The following EVC2 variants were observed in gnomAD, a reference collection of about 807,000 sequenced individuals.
EVC2 encodes the protein limbin.
In EVC2, 148 loss-of-function variants were observed where a neutral mutation model predicts 149.3. That is an observed-to-expected ratio of 0.99 (90% CI 0.87 to 1.14). EVC2 has a LOEUF of 1.14. EVC2 is among the 50% of genes most tolerant of loss of function. The pLI is 0.00. For synonymous variants in EVC2, 776 were observed against 649.9 expected (o/e 1.19, Z -2.95); for missense variants, 1,854 against 1,627.3 (o/e 1.14, Z -2.40).
At chr4:5,541,409 T>C (rs1478323410), downstream of EVC2, among the ~76,000 whole-genome samples, 1 of 152,158 alleles carries the variant, frequency 6.6e-6, no homozygotes, top group Non-Finnish European at 1.5e-5. Context: ...AGCAGTTATT[T>C]CAAAGAACGG....
At chr4:5,672,965 G>T (rs937530126) in intron 7 of EVC2, among the ~76,000 whole-genome samples, 4 of 152,208 alleles carry the variant, frequency 2.6e-5, no homozygotes, top group Non-Finnish European at 4.4e-5. Context: ...GACAGAAGCA[G>T]ATGAGTGGTT....
At chr4:5,612,980 C>CGAG (rs961202530) in intron 16 of EVC2, among the ~76,000 whole-genome samples, 17 of 145,502 alleles carry the variant, frequency 1.2e-4, no homozygotes, top group Admixed American at 1.1e-3. Flanking sequence ...CAGGAGGAGA[C>CGAG]GAGGTAGGGG....
chr4:5,642,897 C>G (rs905953702), intron 9 of EVC2, among the ~76,000 whole-genome samples: 1 of 152,198 alleles, frequency 6.6e-6, no homozygotes, highest in Non-Finnish European at 1.5e-5. Context: ...GTTTTCTCTA[C>G]TGCCTTTAAT....
At position 5,686,880 on chromosome 4, in the gene EVC2, A is replaced by G. The variant is rs1006548560; in HGVS notation, c.707-1401T>C. Among the ~76,000 whole-genome samples the G allele has an allele frequency of 4.6e-5, 7 of 152,146 alleles. No individual in the cohort carries two copies. The highest frequency in any genetic ancestry group is 7.4e-5 in the Non-Finnish European group (5 of 68,016). Reference sequence around the variant, plus strand: ...GTTCACAGATAAATATGATTTGGACACTGCCCTCAGGGAATGTAGAGCCCA... The same window carrying G: ...GTTCACAGATAAATATGATTTGGACGCTGCCCTCAGGGAATGTAGAGCCCA... On this transcript the variant is annotated intron_variant, in intron 5 of 21. Coordinates refer to ENST00000344408, the MANE Select transcript of EVC2 (RefSeq NM_147127.5). This position sits in a 1 kb window ranked among gnomAD's most constrained non-coding sequence, Gnocchi z 5.4.
chr4:5,548,634 T>C (rs1249845275), intron 21 of EVC2, among the ~76,000 whole-genome samples: 1 of 152,146 alleles, frequency 6.6e-6, no homozygotes, highest in Non-Finnish European at 1.5e-5. Flanking sequence ...ATTTTGTGGT[T>C]GATTATTGTT....
At chr4:5,539,361 A>C (rs1038957874), downstream of EVC2, among the ~76,000 whole-genome samples, 1 of 152,180 alleles carries the variant, frequency 6.6e-6, no homozygotes, top group Non-Finnish European at 1.5e-5. Context: ...AATTCTCCCT[A>C]AACTGATCTA....
downstream of EVC2, among the ~76,000 whole-genome samples, chr4:5,541,400 G>A (rs1426982007): frequency 1.3e-5 from 2 of 152,208 alleles, no homozygotes; most frequent in African/African-American, 4.8e-5. Flanking sequence ...AAGCTCGGAA[G>A]CAGTTATTTC....
intron 21 of EVC2, among the ~76,000 whole-genome samples, chr4:5,552,292 A>G (rs1332289690): frequency 6.6e-6 from 1 of 152,188 alleles, no homozygotes; most frequent in Admixed American, 6.5e-5. Context: ...ATTTAAGTAA[A>G]TATTTGGCAT....
At chr4:5,688,198 T>C (rs1000589725) in intron 5 of EVC2, among the ~76,000 whole-genome samples, 2 of 152,208 alleles carry the variant, frequency 1.3e-5, no homozygotes, top group Non-Finnish European at 2.9e-5. Flanking sequence ...TAGTAGCTTC[T>C]GTCAATAATA....
intron 21 of EVC2, among the ~76,000 whole-genome samples, chr4:5,550,149 G>A (rs1224620607): frequency 2.6e-5 from 4 of 152,166 alleles, no homozygotes; most frequent in Non-Finnish European, 5.9e-5. Flanking sequence ...ACTGGGAGTG[G>A]GGTGCTGCTG....
the EVC2 span, among the ~76,000 whole-genome samples, chr4:5,535,292 A>G: frequency 3.3e-5 from 5 of 152,278 alleles, no homozygotes; most frequent in African/African-American, 1.2e-4. This position sits in a 1 kb window ranked among gnomAD's most constrained non-coding sequence, Gnocchi z 4.7. Flanking sequence ...AATCCACACC[A>G]GAAAGTGGAT....
At chr4:5,671,830 A>G (rs888551286) in intron 7 of EVC2, among the ~76,000 whole-genome samples, 3 of 152,246 alleles carry the variant, frequency 2.0e-5, no homozygotes, top group African/African-American at 4.8e-5. Flanking sequence ...TTTTAAGTGC[A>G]GAATTCTTAC....
At chr4:5,704,789 T>C (rs1461145503) in intron 1 of EVC2, among the ~76,000 whole-genome samples, 1 of 152,068 alleles carries the variant, frequency 6.6e-6, no homozygotes, top group Non-Finnish European at 1.5e-5. Context: ...CACTGCATCC[T>C]CGAACTCCTG....
In EVC2 at chr4:5,572,662, A is replaced by C. The variant is rs1722705435; in HGVS notation, c.3360+2023T>G. 3.3e-5 allele frequency among the ~76,000 whole-genome samples: 5 copies of C among 152,170 alleles called. No individual in the cohort carries two copies. The South Asian group carries it at 8.3e-4, about 25-fold the overall frequency. On this transcript the variant is annotated intron_variant, in intron 19 of 21. Transcript: ENST00000344408. ...TTCTTTATAAATTATCCAGTCTAGGAATTTTGTGTAGTAGCAGAAACAGAC... is the reference window on the plus strand; with the variant it reads ...TTCTTTATAAATTATCCAGTCTAGGCATTTTGTGTAGTAGCAGAAACAGAC...
At position 5,563,008 on chromosome 4, in the gene EVC2, G is replaced by C. The variant is rs746589846; in HGVS notation, c.3767C>G (p.Pro1256Arg). The C allele has an allele frequency of 1.2e-6, 2 of 1,614,192 alleles. No individual in the cohort carries two copies. The highest frequency in any genetic ancestry group is 1.7e-6 in the Non-Finnish European group (2 of 1,180,022). The change falls in exon 22 of 22, where the codon CCC (proline) becomes CGC (arginine). Residue 1256 changes from proline to arginine, a missense_variant. Coordinates refer to ENST00000344408, the MANE Select transcript of EVC2 (RefSeq NM_147127.5). ...LEPIGELAPV[P>R]IVGAETIDLL... ...ATCAATGGTTTCTGCCCCTACAATG[G>C]GTACAGGGGCCAGTTCGCCAATGGG...
At chr4:5,650,201 T>C (rs777171538) in intron 9 of EVC2, among the ~76,000 whole-genome samples, 4 of 152,076 alleles carry the variant, frequency 2.6e-5, no homozygotes, top group Non-Finnish European at 4.4e-5. Flanking sequence ...CTTCCTGGGA[T>C]TTCCATATTA....
rs1722402136 is a variant in EVC2 at position 5,567,954 on chromosome 4, C to T, written c.3557+490G>A. On this transcript the variant is annotated intron_variant, in intron 20 of 21. Coordinates refer to ENST00000344408, the MANE Select transcript of EVC2 (RefSeq NM_147127.5). This position sits in a 1 kb window ranked among gnomAD's most constrained non-coding sequence, Gnocchi z 4.4. The stretch of plus-strand genomic sequence containing the variant: ...CGTTAAAAGGTAAGGAGCAAAATCG[C>T]TTCTGCTGTAAGATTCTGAAATGCA... Among the ~76,000 whole-genome samples, 1 of 152,222 alleles carries T rather than the reference C, an allele frequency of 6.6e-6. No individual in the cohort carries two copies. Among genetic ancestry groups the T allele is most frequent in the South Asian group, 2.1e-4 (1 of 4,830 alleles).
Position 5,670,143 on chromosome 4 carries a change from GAGA to G in EVC2, c.871-4497_871-4495del, listed in dbSNP as rs1471047270. Among the ~76,000 whole-genome samples the G allele has an allele frequency of 6.6e-6, 1 of 152,278 alleles. No homozygotes were observed. The highest frequency in any genetic ancestry group is 6.5e-5 in the Admixed American group (1 of 15,302). On this transcript the variant is annotated intron_variant, in intron 7 of 21. Coordinates refer to ENST00000344408, the MANE Select transcript of EVC2 (RefSeq NM_147127.5). The surrounding 1 kb of genome is among the most constrained non-coding windows in gnomAD (Gnocchi z 5.2). ...GTAAGATCTCAATATGTAATTTTAT[GAGA>G]AGAAGGAGGCTCCATATAATCACTA... is the stretch of plus-strand genomic sequence containing the variant.
At chr4:5,555,885 C>CG (rs1721829288) in intron 21 of EVC2, among the ~76,000 whole-genome samples, 1 of 152,018 alleles carries the variant, frequency 6.6e-6, no homozygotes. Context: ...GGCCACATAA[C>CG]GACAAACTTA....
Sources: allele counts gnomAD v4.1 joint callset (sites outside exome capture counted in the v4.1 genomes callset), GRCh38; gene constraint gnomAD v4.1.1; non-coding constraint Gnocchi (gnomAD v3.1); transcripts MANE v1.5; gene names NCBI Gene and HGNC (gene_info 2026-07-23, HGNC 2026-07-21).